The following KANSL1L variants were observed in gnomAD, a reference collection of about 807,000 sequenced individuals.
KANSL1L encodes the protein KAT8 regulatory NSL complex subunit 1 like, also known as KAT8 regulatory NSL complex subunit 1-like protein.
A neutral mutation model predicts 108.6 loss-of-function variants in KANSL1L; 25 were observed. That is an observed-to-expected ratio of 0.23 (90% CI 0.17 to 0.32). The LOEUF (loss-of-function observed/expected upper bound fraction) is 0.32, where lower values mean the gene tolerates loss of function less well. Among genes scored for constraint, KANSL1L ranks in the 10% least tolerant of loss-of-function variants. The pLI, the probability that KANSL1L is intolerant of heterozygous loss-of-function variation, is 1.00. For synonymous variants in KANSL1L, 405 were observed against 395.1 expected (o/e 1.03, Z -0.30); for missense variants, 1,137 against 1,125.7 (o/e 1.01, Z -0.14).
Position 210,044,008 on chromosome 2 carries a change from A to T in KANSL1L, c.1852T>A (p.Ser618Thr), listed in dbSNP as rs758243536. The part of the protein sequence containing the change: ...TWSSYEHNSE[S>T]YLLREHVSEL... ...GATACATGTTCTCTTAATAGGTAAGACTCCGAATTGTGTTCATAGCTACTC... is the reference window on the plus strand; with the variant it reads ...GATACATGTTCTCTTAATAGGTAAGTCTCCGAATTGTGTTCATAGCTACTC... The change falls in exon 7 of 15, where the codon TCT (serine) becomes ACT (threonine). Residue 618 changes from serine (S) to threonine (T), a missense_variant. Coordinates refer to ENST00000281772, the MANE Select transcript of KANSL1L (RefSeq NM_152519.4). The surrounding 1 kb of genome is among the most constrained non-coding windows in gnomAD (Gnocchi z 4.2). 2 of 1,609,062 alleles carry T rather than the reference A, an allele frequency of 1.2e-6. No individual in the cohort carries two copies. Among genetic ancestry groups the T allele is most frequent in the South Asian group, 1.1e-5 (1 of 90,598 alleles).
intron 3 of KANSL1L, among the ~76,000 whole-genome samples, chr2:210,106,794 G>A (rs1426309634): frequency 6.6e-6 from 1 of 151,502 alleles, no homozygotes; most frequent in African/African-American, 2.4e-5. Context: ...AATTCAACCA[G>A]GGAGACCGTC....
intron 5 of KANSL1L, among the ~76,000 whole-genome samples, chr2:210,083,468 C>G (rs556096919): frequency 6.6e-6 from 1 of 152,252 alleles, no homozygotes; most frequent in South Asian, 2.1e-4. Flanking sequence ...CTTTTCCATA[C>G]TTTCCCTACT....
intron 3 of KANSL1L, among the ~76,000 whole-genome samples, chr2:210,122,171 T>C (rs1203344954): frequency 6.6e-6 from 1 of 152,058 alleles, no homozygotes; most frequent in Non-Finnish European, 1.5e-5. Flanking sequence ...TTCACATAAA[T>C]AGAAAAAACA....
intron 2 of KANSL1L, among the ~76,000 whole-genome samples, chr2:210,140,645 T>C (rs569858378): frequency 1.1e-4 from 17 of 152,222 alleles, no homozygotes; most frequent in South Asian, 4.1e-4. Context: ...GGGGTCTTGC[T>C]TGGTTTTACA....
In KANSL1L at chr2:210,116,458, G is replaced by C. The variant is rs542145692; in HGVS notation, c.1231-12157C>G. Among the ~76,000 whole-genome samples, 18 of 152,290 alleles carry C rather than the reference G, an allele frequency of 1.2e-4. No homozygotes were observed. In the East Asian group the frequency reaches 3.5e-3, roughly 29 times the overall value. On this transcript the variant is annotated intron_variant, in intron 3 of 14. Transcript: ENST00000281772. ...ACTGCTGGCCTTAGGTGAGACCAGT[G>C]CTGTGCTGTCTTCGGATCTGACCCT... is the stretch of plus-strand genomic sequence containing the variant.
intron 2 of KANSL1L, 46 bp from the exon 3 acceptor site, chr2:210,129,218 A>T: frequency 6.6e-7 from 1 of 1,504,020 alleles, no homozygotes; most frequent in Non-Finnish European, 9.0e-7. Flanking sequence ...AAGGCAATCA[A>T]GTTTCACAAA....
chr2:210,070,324 G>A (rs1328017104), intron 6 of KANSL1L, among the ~76,000 whole-genome samples: 5 of 125,282 alleles, frequency 4.0e-5, no homozygotes, highest in Non-Finnish European at 7.9e-5. Context: ...TCCGCCTCCC[G>A]GGTTCATGCC....
rs1313314995 is a variant in KANSL1L, at chr2:210,171,220, T to G, written c.-101A>C. On this transcript the variant is annotated 5_prime_UTR_variant, in exon 1 of 15. Coordinates refer to ENST00000281772, the MANE Select transcript of KANSL1L (RefSeq NM_152519.4). ...GCCGTGGTGGGGGCTGCTGAGGTGA[T>G]CTCTAGCTGCCCGCCCGCCTCCCCC... 1 of 157,142 alleles carries G rather than the reference T, an allele frequency of 6.4e-6. No homozygotes were observed. The highest frequency in any genetic ancestry group is 2.4e-5 in the African/African-American group (1 of 41,336). The allele number at this position is 157,142 out of a possible 1,614,324, so 9.7% of individuals were successfully genotyped here.
In KANSL1L at chr2:210,154,464, A is replaced by C; in HGVS notation, c.119T>G (p.Leu40Arg). The part of the protein sequence containing the change: ...MESPRTVDEK[L>R]KGDTFSQMLG... ...CATCTGAGAAAAGGTGTCTCCCTTT[A>C]GCTTTTCATCTACAGTTCTGGGACT... Residue 40 changes from leucine (L) to arginine (R), a missense_variant, in exon 2 of 15, where the codon CTA (leucine) becomes CGA (arginine). Leu to Arg is a moderately radical substitution (Grantham distance 102). This residue lies in a region of KANSL1L where 556 missense variants were observed against 537.7 expected (regional missense o/e 1.03). Transcript: ENST00000281772. 1 of 1,613,556 alleles carries C rather than the reference A, an allele frequency of 6.2e-7. No individual in the cohort carries two copies. The highest frequency in any genetic ancestry group is 8.5e-7 in the Non-Finnish European group (1 of 1,179,760).
chr2:210,117,077 A>G (rs531407695), intron 3 of KANSL1L, among the ~76,000 whole-genome samples: 1 of 152,210 alleles, frequency 6.6e-6, no homozygotes, highest in Non-Finnish European at 1.5e-5. Context: ...GAAATTCTGG[A>G]GCTGAAAAAT....
intron 5 of KANSL1L, among the ~76,000 whole-genome samples, chr2:210,091,669 T>C (rs1228480660): frequency 2.6e-5 from 4 of 152,184 alleles, no homozygotes; most frequent in African/African-American, 9.6e-5. Context: ...ATTTCCTCCT[T>C]CTGACCTCTA....
chr2:210,104,051 C>T (rs749415998), intron 4 of KANSL1L, 53 bp downstream of exon 4: 2 of 1,411,006 alleles, frequency 1.4e-6, no homozygotes, highest in Admixed American at 3.4e-5. Context: ...GAATAGTTTA[C>T]AAAATCAATG....
At chr2:210,109,087 T>G (rs1022739742) in intron 3 of KANSL1L, among the ~76,000 whole-genome samples, 2 of 152,148 alleles carry the variant, frequency 1.3e-5, no homozygotes, top group African/African-American at 4.8e-5. Flanking sequence ...CATACTGAGA[T>G]GTCACTTTCT....
In KANSL1L at chr2:210,093,291, A is replaced by G. The variant is rs188190841; in HGVS notation, c.1550+4795T>C. 1.3e-3 allele frequency among the ~76,000 whole-genome samples: 192 copies of G among 152,268 alleles called. 1 individual carries two copies. The highest frequency in any genetic ancestry group is 4.3e-3 in the African/African-American group (177 of 41,564). On this transcript the variant is annotated intron_variant, in intron 5 of 14. Coordinates refer to ENST00000281772, the MANE Select transcript of KANSL1L (RefSeq NM_152519.4). ...CTCCCAAGTAGTTGGGACTACAGGC[A>G]TGCACCATCACACCCAGCTAATTTT...
chr2:210,025,056 T>G (rs1268598372), intron 13 of KANSL1L, 48 bp downstream of exon 13: 3 of 1,189,556 alleles, frequency 2.5e-6, no homozygotes, highest in Non-Finnish European at 3.8e-6. Context: ...GAGGTTTTGT[T>G]CATTTCACAT....
chr2:210,130,666 T>G (rs537590387), intron 2 of KANSL1L, among the ~76,000 whole-genome samples: 2 of 152,304 alleles, frequency 1.3e-5, no homozygotes, highest in South Asian at 2.1e-4. Context: ...TTTTCCTAAC[T>G]GTGGACAAAA....
chr2:210,060,211 A>G (rs1312510198), intron 6 of KANSL1L, among the ~76,000 whole-genome samples: 2 of 152,220 alleles, frequency 1.3e-5, no homozygotes, highest in African/African-American at 2.4e-5. Context: ...ATGTACCTTA[A>G]TTCGTACCAC....
intron 8 of KANSL1L, among the ~76,000 whole-genome samples, chr2:210,039,909 T>C (rs566467314): frequency 6.6e-6 from 1 of 151,990 alleles, no homozygotes; most frequent in East Asian, 1.9e-4. Flanking sequence ...CATTGATCTA[T>C]TTTCTTAAAT....
At chr2:210,040,590 ATT>A in intron 7 of KANSL1L, 63 bp from the exon 8 acceptor site, 2 of 681,018 alleles carry the variant, frequency 2.9e-6, no homozygotes, top group Non-Finnish European at 4.8e-6. Context: ...AGGATTACAG[ATT>A]GTAACATTAA....
Sources: gnomAD v4.1 joint callset for allele counts (sites outside exome capture counted in the v4.1 genomes callset) on GRCh38, gnomAD v4.1.1 for gene constraint, gnomAD v4.1.1 regional missense constraint, Gnocchi (gnomAD v3.1) non-coding constraint, MANE v1.5 for transcripts, NCBI Gene and HGNC (gene_info 2026-07-23, HGNC 2026-07-21) for gene names.